HDAC8: variants seen among roughly 807,000 people sequenced by gnomAD.
The protein encoded by HDAC8 is histone deacetylase-like 1.
In HDAC8, 1 loss-of-function variant was observed where a neutral mutation model predicts 32.2. The observed-to-expected ratio is 0.03, with a 90% CI of 0.01 to 0.15. The LOEUF (loss-of-function observed/expected upper bound fraction) is 0.15. Among genes scored for constraint, HDAC8 ranks in the 10% least tolerant of loss-of-function variants. HDAC8 has a pLI of 1.00. For missense variants in HDAC8, 117 were observed against 300.0 expected, an observed-to-expected ratio of 0.39 and a Z score of 4.51; for synonymous variants, 108 against 113.9, an observed-to-expected ratio of 0.95 and a Z score of 0.33.
intron 4 of HDAC8, among the ~76,000 whole-genome samples, chrX:72,512,456 T>C (rs980963830): frequency 9.0e-6 from 1 of 111,277 alleles, no homozygotes; most frequent in Non-Finnish European, 1.9e-5. Context: ...TGTGCACGAG[T>C]ATGAGTTCAA....
At chrX:72,445,822 T>A (rs1252673318) in intron 9 of HDAC8, among the ~76,000 whole-genome samples, 2 of 111,328 alleles carry the variant, frequency 1.8e-5, no homozygotes, top group Non-Finnish European at 3.8e-5. Flanking sequence ...TACAATGAAC[T>A]CAAACAAATT....
intron 9 of HDAC8, among the ~76,000 whole-genome samples, chrX:72,423,782 G>A (rs2046557219): frequency 1.8e-5 from 2 of 111,651 alleles, no homozygotes; most frequent in Non-Finnish European, 3.8e-5. Flanking sequence ...ACCACACCAG[G>A]CAATCTGTGA....
At chrX:72,438,877 T>C (rs1338881065) in intron 9 of HDAC8, among the ~76,000 whole-genome samples, 1 of 111,983 alleles carries the variant, frequency 8.9e-6, no homozygotes, top group African/African-American at 3.3e-5. Flanking sequence ...GGAACCAAGT[T>C]GGAAAACACT....
chrX:72,490,073 G>C (rs1332689624), intron 6 of HDAC8, among the ~76,000 whole-genome samples: 2 of 111,026 alleles, frequency 1.8e-5, no homozygotes, highest in Non-Finnish European at 3.8e-5. Flanking sequence ...ACACCAGTTA[G>C]AATGGCGATC....
At chrX:72,425,304 G>T (rs984994002) in intron 9 of HDAC8, among the ~76,000 whole-genome samples, 2 of 110,800 alleles carry the variant, frequency 1.8e-5, no homozygotes, top group Non-Finnish European at 3.8e-5. Flanking sequence ...CTTTTTTTTT[G>T]ATTTGGCATT....
chrX:72,437,094 T>A (rs1385678009), intron 9 of HDAC8, among the ~76,000 whole-genome samples: 1 of 111,959 alleles, frequency 8.9e-6, no homozygotes, highest in Non-Finnish European at 1.9e-5. Flanking sequence ...CCCAGCATGA[T>A]CAACGCAGAA....
chrX:72,546,837 A>G, intron 4 of HDAC8, among the ~76,000 whole-genome samples: 1 of 111,395 alleles, frequency 9.0e-6, no homozygotes, highest in East Asian at 2.8e-4. Context: ...CTCTGGCTTC[A>G]CAAGAGATGC....
intron 2 of HDAC8, 37 bp downstream of exon 2, chrX:72,572,020 C>A: frequency 8.9e-7 from 1 of 1,125,832 alleles, no homozygotes; most frequent in East Asian, 3.1e-5. Flanking sequence ...GCTACGAACA[C>A]CTAGCTTCAG....
intron 4 of HDAC8, among the ~76,000 whole-genome samples, chrX:72,522,238 G>A (rs970914337): frequency 2.7e-5 from 3 of 112,180 alleles, no homozygotes; most frequent in Non-Finnish European, 5.6e-5. Flanking sequence ...GAACTTTCAC[G>A]TGCATGCATA....
intron 9 of HDAC8, among the ~76,000 whole-genome samples, chrX:72,421,198 CCAA>C (rs1285841941): frequency 9.0e-6 from 1 of 110,779 alleles, no homozygotes; most frequent in Non-Finnish European, 1.9e-5. Context: ...TGAATTGATA[CCAA>C]CTTTTTTTTT....
chrX:72,561,977 G>A (rs1360174906), intron 4 of HDAC8, among the ~76,000 whole-genome samples: 1 of 111,967 alleles, frequency 8.9e-6, no homozygotes, highest in Non-Finnish European at 1.9e-5. Flanking sequence ...AAACCACAAT[G>A]TGATACTATC....
intron 9 of HDAC8, among the ~76,000 whole-genome samples, chrX:72,401,098 G>A (rs2045888731): frequency 8.9e-6 from 1 of 112,293 alleles, no homozygotes; most frequent in African/African-American, 3.2e-5. Flanking sequence ...ATACTTAGGA[G>A]TGGAATTGCT....
intron 10 of HDAC8, among the ~76,000 whole-genome samples, chrX:72,341,989 TC>T (rs2043899216): frequency 8.9e-6 from 1 of 112,093 alleles, no homozygotes; most frequent in South Asian, 3.7e-4. Flanking sequence ...ATTATGCTCT[TC>T]GGGCACATTT....
At chrX:72,539,346 C>T (rs992995761) in intron 4 of HDAC8, among the ~76,000 whole-genome samples, 3 of 110,920 alleles carry the variant, frequency 2.7e-5, no homozygotes, top group Non-Finnish European at 3.8e-5. Flanking sequence ...ATTCTCCTGC[C>T]TCAGTCTCCC....
chrX:72,406,549 A>G (rs781888764), intron 9 of HDAC8, among the ~76,000 whole-genome samples: 2 of 112,471 alleles, frequency 1.8e-5, no homozygotes, highest in African/African-American at 6.5e-5. Flanking sequence ...TCTACTTTAA[A>G]TTAAAATTCT....
At chrX:72,511,196 A>G (rs1182395888) in intron 4 of HDAC8, among the ~76,000 whole-genome samples, 6 of 112,309 alleles carry the variant, frequency 5.3e-5, no homozygotes, top group Non-Finnish European at 7.5e-5. Flanking sequence ...TCTGTCTAGT[A>G]TAACTGTCCA....
intron 4 of HDAC8, among the ~76,000 whole-genome samples, chrX:72,562,013 A>G (rs925922054): frequency 1.8e-5 from 2 of 112,116 alleles, no homozygotes; most frequent in East Asian, 5.6e-4. Flanking sequence ...TGGCCATAAT[A>G]AAAAAATCAA....
intron 9 of HDAC8, among the ~76,000 whole-genome samples, chrX:72,377,414 A>T (rs1474468009): frequency 8.9e-6 from 1 of 112,490 alleles, no homozygotes. Flanking sequence ...ATTCTGCTCT[A>T]GTTGGTTTAT....
At chrX:72,363,960 G>A (rs2044627940) in intron 9 of HDAC8, among the ~76,000 whole-genome samples, 1 of 111,909 alleles carries the variant, frequency 8.9e-6, no homozygotes. Context: ...TTGGGGTACT[G>A]TGTTGAGAAA....
Sources: gnomAD v4.1 joint callset for allele counts (sites outside exome capture counted in the v4.1 genomes callset) on GRCh38, gnomAD v4.1.1 for gene constraint, MANE v1.5 for transcripts, NCBI Gene and HGNC (gene_info 2026-07-23, HGNC 2026-07-21) for gene names.